Variants in ANO5 observed in about 807,000 individuals in gnomAD.
ANO5 encodes anoctamin-5.
A neutral mutation model predicts 121.0 loss-of-function variants in ANO5; 109 were observed. The ratio of observed to expected loss-of-function variants is 0.90; its 90% CI spans 0.77 to 1.06. The LOEUF is 1.06. ANO5 is among the 50% of genes least tolerant of loss of function. ANO5 has a pLI of 0.00. For missense variants in ANO5, 1,064 were observed against 1,078.5 expected (o/e 0.99, Z 0.19); for synonymous variants, 406 against 359.9 (o/e 1.13, Z -1.45).
intron 6 of ANO5, among the ~76,000 whole-genome samples, chr11:22,227,015 A>G (rs1207734676): frequency 6.6e-6 from 1 of 152,116 alleles, no homozygotes; most frequent in Non-Finnish European, 1.5e-5. Context: ...GTATACATTG[A>G]CCATGAAATA....
chr11:22,217,542 T>C (rs1190238121), intron 3 of ANO5, among the ~76,000 whole-genome samples: 3 of 152,006 alleles, frequency 2.0e-5, no homozygotes, highest in Non-Finnish European at 2.9e-5. Context: ...TAACAAAATA[T>C]CTATTTTACT....
At chr11:22,247,289 G>A (rs930589982) in intron 9 of ANO5, among the ~76,000 whole-genome samples, 2 of 152,072 alleles carry the variant, frequency 1.3e-5, no homozygotes, top group African/African-American at 4.8e-5. Flanking sequence ...ATGTTCACCA[G>A]GAACAAAATC....
intron 3 of ANO5, among the ~76,000 whole-genome samples, chr11:22,213,343 A>G (rs957752194): frequency 5.3e-5 from 8 of 151,744 alleles, no homozygotes; most frequent in African/African-American, 1.9e-4. Flanking sequence ...CTTGGTTGGG[A>G]CAGTTTCATG....
intron 18 of ANO5, among the ~76,000 whole-genome samples, chr11:22,272,036 A>G (rs1197263229): frequency 2.0e-5 from 3 of 152,144 alleles, no homozygotes; most frequent in Non-Finnish European, 4.4e-5. Context: ...TTTAATGGAA[A>G]GCCATTTCCA....
intron 12 of ANO5, among the ~76,000 whole-genome samples, chr11:22,251,310 T>C (rs546126744): frequency 6.6e-6 from 1 of 152,336 alleles, no homozygotes; most frequent in East Asian, 1.9e-4. Context: ...CAAAAAATAC[T>C]TCATTCAGGA....
At chr11:22,197,588 A>C (rs1367549849) in intron 1 of ANO5, among the ~76,000 whole-genome samples, 1 of 152,194 alleles carries the variant, frequency 6.6e-6, no homozygotes, top group Non-Finnish European at 1.5e-5. Flanking sequence ...ATCCGTCTTT[A>C]GTAATGTTAA....
intron 5 of ANO5, among the ~76,000 whole-genome samples, chr11:22,224,045 G>T (rs1852745626): frequency 6.6e-6 from 1 of 151,788 alleles, no homozygotes; most frequent in Non-Finnish European, 1.5e-5. Flanking sequence ...TTTCTATTGT[G>T]TATGTTCTTC....
At chr11:22,228,127 T>C (rs1043665153) in intron 7 of ANO5, among the ~76,000 whole-genome samples, 18 of 152,070 alleles carry the variant, frequency 1.2e-4, no homozygotes, top group Admixed American at 6.6e-5. Context: ...AAAACCTCTC[T>C]CAGAAAGAAT....
At chr11:22,193,564 G>C (rs757277044) in intron 1 of ANO5, 32 bp downstream of exon 1, 1 of 1,607,518 alleles carries the variant, frequency 6.2e-7, no homozygotes, top group South Asian at 1.1e-5. Flanking sequence ...TCAAGGGAGA[G>C]CCAGGCTGGC....
rs557525631 is a variant in ANO5 at position 22,274,308 on chromosome 11, A to G, written c.2236-261A>G. 8.2e-4 allele frequency among the ~76,000 whole-genome samples: 125 copies of G among 152,218 alleles called. 2 individuals are homozygous for G. The South Asian group carries it at 0.023, about 28-fold the overall frequency. On this transcript the variant is annotated intron_variant, in intron 19 of 21. Coordinates refer to ENST00000324559, the MANE Select transcript of ANO5 (RefSeq NM_213599.3). The stretch of plus-strand genomic sequence containing the variant: ...AATAGAAAGCCTTGATGGAAAGAAC[A>G]TGGTTCGTAGAGACAGATACATTTC...
At chr11:22,238,562 C>G (rs1455073859) in intron 8 of ANO5, among the ~76,000 whole-genome samples, 1 of 151,890 alleles carries the variant, frequency 6.6e-6, no homozygotes, top group Admixed American at 6.6e-5. Context: ...ATGTGCTTTA[C>G]AGAATCATTT....
chr11:22,279,453 TTCTTAAA>T (rs1234138364), intron 21 of ANO5, 84 bp from the exon 22 acceptor site: 1 of 1,116,092 alleles, frequency 9.0e-7, no homozygotes, highest in Non-Finnish European at 1.3e-6. Flanking sequence ...GTTGAGCAGT[TTCTTAAA>T]TAAGTGAAAT....
Position 22,259,652 on chromosome 11 carries a change from C to G in ANO5, c.1541C>G (p.Thr514Arg), listed in dbSNP as rs397514736. ...VKSFLTPQIT[T>R]SLTGSCLNFI... ...AGCTTCCTTACTCCTCAGATAACCA[C>G]ATCACTCACAGGATCATGCTTGAAC... The change falls in exon 15 of 22, where the codon ACA (threonine) becomes AGA (arginine). Residue 514 changes from threonine (T) to arginine (R), a missense_variant. Transcript: ENST00000324559. The G allele has an allele frequency of 6.2e-7, 1 of 1,614,084 alleles. No homozygotes were observed. Among genetic ancestry groups the G allele is most frequent in the Admixed American group, 1.7e-5 (1 of 60,020 alleles).
intron 17 of ANO5, among the ~76,000 whole-genome samples, chr11:22,265,520 A>T (rs981518110): frequency 6.6e-6 from 1 of 152,146 alleles, no homozygotes; most frequent in African/African-American, 2.4e-5. Context: ...TTAGCACAGA[A>T]TTTGTTAGCT....
chr11:22,222,779 A>G (rs1852696739), intron 5 of ANO5, among the ~76,000 whole-genome samples: 1 of 151,988 alleles, frequency 6.6e-6, no homozygotes, highest in Non-Finnish European at 1.5e-5. Flanking sequence ...CAATTTACTG[A>G]CTGACTTTAC....
At chr11:22,253,394 C>T (rs1028069352) in intron 12 of ANO5, among the ~76,000 whole-genome samples, 1 of 152,082 alleles carries the variant, frequency 6.6e-6, no homozygotes, top group Non-Finnish European at 1.5e-5. Flanking sequence ...TCAGCATTAA[C>T]AAACTTTGAG....
At chr11:22,209,811 G>T (rs1397356303) in intron 2 of ANO5, among the ~76,000 whole-genome samples, 1 of 151,894 alleles carries the variant, frequency 6.6e-6, no homozygotes, top group Non-Finnish European at 1.5e-5. Context: ...TAAAAGGAGA[G>T]ATTGTAAAAT....
chr11:22,218,329 C>T (rs1302123266), intron 4 of ANO5, 42 bp downstream of exon 4: 1 of 1,608,774 alleles, frequency 6.2e-7, no homozygotes, highest in Non-Finnish European at 8.5e-7. Context: ...CTCTGAATGG[C>T]TGCAGTGGTA....
intron 5 of ANO5, among the ~76,000 whole-genome samples, chr11:22,221,770 T>C (rs1852661190): frequency 6.6e-6 from 1 of 152,038 alleles, no homozygotes; most frequent in Non-Finnish European, 1.5e-5. Context: ...TAATGGATAC[T>C]CAATAAATAC....
Sources: allele counts gnomAD v4.1 joint callset (sites outside exome capture counted in the v4.1 genomes callset), GRCh38; gene constraint gnomAD v4.1.1; transcripts MANE v1.5; gene names NCBI Gene and HGNC (gene_info 2026-07-23, HGNC 2026-07-21).